Variants in EML6 observed in about 807,000 individuals in gnomAD.
EML6 encodes EMAP like 6.
In EML6, 154 loss-of-function variants were observed where a neutral mutation model predicts 240.1. The ratio of observed to expected loss-of-function variants is 0.64; its 90% CI spans 0.56 to 0.73. EML6 has a LOEUF of 0.73. EML6 is among the 30% of genes least tolerant of loss of function. EML6 has a pLI of 0.00. For missense variants in EML6, 2,964 were observed against 2,474.6 expected (o/e 1.20, Z -4.20); for synonymous variants, 1,148 against 899.0 (o/e 1.28, Z -4.95).
At chr2:54,892,390 C>G (rs1672518058) in intron 18 of EML6, 64 bp from the exon 19 acceptor site, 2 of 1,077,400 alleles carry the variant, frequency 1.9e-6, no homozygotes, top group East Asian at 2.6e-5. Flanking sequence ...GGAAGTAGTC[C>G]TTCTACATGC....
intron 28 of EML6, among the ~76,000 whole-genome samples, chr2:54,948,146 C>T (rs1225148738): frequency 1.3e-5 from 2 of 152,204 alleles, no homozygotes; most frequent in Non-Finnish European, 2.9e-5. Context: ...TCACCAAGAA[C>T]TGGCGTACTC....
chr2:54,786,101 G>T, intron 2 of EML6, among the ~76,000 whole-genome samples: 1 of 152,052 alleles, frequency 6.6e-6, no homozygotes, highest in East Asian at 1.9e-4. Flanking sequence ...CCATTGTAGG[G>T]AGCCTTCTGT....
chr2:54,785,131 G>A (rs758676562), intron 2 of EML6, among the ~76,000 whole-genome samples: 2 of 150,348 alleles, frequency 1.3e-5, no homozygotes, highest in African/African-American at 4.9e-5. Context: ...TGAAAAATAC[G>A]AGAGAACTTC....
intron 11 of EML6, among the ~76,000 whole-genome samples, chr2:54,855,419 T>G (rs1462576594): frequency 1.3e-5 from 2 of 151,806 alleles, no homozygotes; most frequent in African/African-American, 4.8e-5. Flanking sequence ...AACCTATTCA[T>G]GAGAAATTCA....
intron 5 of EML6, among the ~76,000 whole-genome samples, chr2:54,823,318 G>A (rs535558454): frequency 3.9e-5 from 6 of 152,240 alleles, no homozygotes; most frequent in South Asian, 2.1e-4. Context: ...AGAACTAGGC[G>A]AGGGGTTGCA....
Position 54,937,490 on chromosome 2 carries a change from C to G in EML6, c.4004+8739C>G, listed in dbSNP as rs543209374. Among the ~76,000 whole-genome samples, 6 of 128,372 alleles carry G rather than the reference C, an allele frequency of 4.7e-5. No homozygotes were observed. The South Asian group carries it at 1.6e-3, about 34-fold the overall frequency. 84.2% of individuals were successfully genotyped at this position (128,372 alleles called of 152,430 possible). ...ATCACTTGAGCCTGGGAGGTCAAGG[C>G]TGCAGTGAGCCATGATCATGCCACT... On this transcript the variant is annotated intron_variant, in intron 28 of 41. Coordinates refer to ENST00000356458, the MANE Select transcript of EML6 (RefSeq NM_001039753.4).
chr2:54,907,848 A>C (rs995510817), intron 24 of EML6, among the ~76,000 whole-genome samples: 6 of 152,122 alleles, frequency 3.9e-5, no homozygotes, highest in African/African-American at 1.2e-4. Context: ...TCTGCTCCTC[A>C]TCCTCAGAAT....
chr2:54,846,686 G>A (rs1669776780), intron 8 of EML6, among the ~76,000 whole-genome samples: 1 of 151,944 alleles, frequency 6.6e-6, no homozygotes, highest in African/African-American at 2.4e-5. Flanking sequence ...GTCTCACCAT[G>A]TTGCTCAGGC....
At chr2:54,905,920 CTA>C (rs76447994) in intron 24 of EML6, among the ~76,000 whole-genome samples, 30,422 of 152,094 alleles carry the variant, frequency 0.2, 3,831 homozygotes, top group East Asian at 0.46. Flanking sequence ...TTTTGCTTAT[CTA>C]TTTGTTGAGG....
At chr2:54,879,409 A>C (rs1435709535) in intron 16 of EML6, 138 bp from the exon 17 acceptor site, 1 of 637,838 alleles carries the variant, frequency 1.6e-6, no homozygotes, top group Non-Finnish European at 2.8e-6. Context: ...TTGTATAATC[A>C]AGTCAGGGCA....
At chr2:54,940,412 T>C (rs1675369046) in intron 28 of EML6, among the ~76,000 whole-genome samples, 1 of 152,216 alleles carries the variant, frequency 6.6e-6, no homozygotes, top group Non-Finnish European at 1.5e-5. Flanking sequence ...TTAATAGCCT[T>C]CTTTAATCCT....
At chr2:54,959,619 G>A (rs11125552) in intron 34 of EML6, among the ~76,000 whole-genome samples, 85,243 of 151,870 alleles carry the variant, frequency 0.56, 26,763 homozygotes, top group Middle Eastern at 0.71. Flanking sequence ...AAATTTGGCC[G>A]GGCATGGTGG....
At chr2:54,932,122 T>C (rs941013540) in intron 28 of EML6, among the ~76,000 whole-genome samples, 1 of 152,218 alleles carries the variant, frequency 6.6e-6, no homozygotes, top group African/African-American at 2.4e-5. Flanking sequence ...TTTCAGAAAA[T>C]GAGGAAGCTG....
intron 2 of EML6, among the ~76,000 whole-genome samples, chr2:54,770,629 T>C (rs1348366620): frequency 6.6e-6 from 1 of 152,230 alleles, no homozygotes; most frequent in Non-Finnish European, 1.5e-5. Context: ...CCAGCTGGGC[T>C]TCTCTTGCCA....
intron 7 of EML6, among the ~76,000 whole-genome samples, chr2:54,842,420 A>T (rs1306854532): frequency 6.6e-6 from 1 of 152,214 alleles, no homozygotes; most frequent in South Asian, 2.1e-4. Flanking sequence ...AGGCGTTCTA[A>T]TTGGAATGAC....
intron 38 of EML6, among the ~76,000 whole-genome samples, chr2:54,965,684 C>T (rs962864004): frequency 3.9e-5 from 6 of 151,924 alleles, no homozygotes; most frequent in Admixed American, 2.0e-4. Flanking sequence ...TGGGTGGGGG[C>T]CACAAGATCA....
At chr2:54,733,818 G>T (rs368225238) in intron 2 of EML6, among the ~76,000 whole-genome samples, 1 of 152,018 alleles carries the variant, frequency 6.6e-6, no homozygotes, top group Non-Finnish European at 1.5e-5. Context: ...TAGCCTGGAG[G>T]GTGGGACAAT....
intron 2 of EML6, among the ~76,000 whole-genome samples, chr2:54,802,556 A>G (rs1035243310): frequency 6.6e-6 from 1 of 151,790 alleles, no homozygotes; most frequent in African/African-American, 2.4e-5. Context: ...AGCCCTGGGA[A>G]GGTCGAGGCT....
chr2:54,748,851 C>T (rs1684031882), intron 2 of EML6, among the ~76,000 whole-genome samples: 1 of 152,218 alleles, frequency 6.6e-6, no homozygotes, highest in Admixed American at 6.5e-5. Context: ...GTCTGCGCCA[C>T]TGTCCCTGGC....
Sources: allele counts gnomAD v4.1 joint callset (sites outside exome capture counted in the v4.1 genomes callset), GRCh38; gene constraint gnomAD v4.1.1; transcripts MANE v1.5; gene names NCBI Gene and HGNC (gene_info 2026-07-23, HGNC 2026-07-21).